ZRANB3: variants seen among roughly 807,000 people sequenced by gnomAD.
ZRANB3 encodes DNA annealing helicase and endonuclease ZRANB3.
Under a neutral mutation model 133.8 loss-of-function variants are expected in ZRANB3, and 125 were observed. That is an observed-to-expected ratio of 0.93 (90% CI 0.81 to 1.08). ZRANB3 has a LOEUF of 1.08. ZRANB3 is among the 50% of genes least tolerant of loss of function. The probability of loss-of-function intolerance (pLI) is 0.00; values close to 1 mark genes in which losing one functional copy is unlikely to be tolerated. For missense variants in ZRANB3, 1,229 were observed against 1,275.5 expected (o/e 0.96, Z 0.56); for synonymous variants, 387 against 432.7 (o/e 0.89, Z 1.31).
At chr2:135,242,427 TTATAG>T (rs1695591720) in intron 12 of ZRANB3, among the ~76,000 whole-genome samples, 1 of 151,924 alleles carries the variant, frequency 6.6e-6, no homozygotes, top group Non-Finnish European at 1.5e-5. Flanking sequence ...TTTCCATTCA[TTATAG>T]TAGACACTCA....
intron 2 of ZRANB3, among the ~76,000 whole-genome samples, chr2:135,486,586 C>T (rs955161953): frequency 6.6e-6 from 1 of 151,938 alleles, no homozygotes; most frequent in Admixed American, 6.6e-5. Context: ...GTGATCTCAG[C>T]TCACTGCAAC....
chr2:135,381,057 A>G (rs3940549), intron 3 of ZRANB3, among the ~76,000 whole-genome samples: 93,080 of 151,970 alleles, frequency 0.61, 33,775 homozygotes, highest in East Asian at 1. Context: ...GTAAGGCATC[A>G]CCTCACCTGG....
chr2:135,462,563 C>A (rs1401938268), intron 2 of ZRANB3, among the ~76,000 whole-genome samples: 2 of 148,386 alleles, frequency 1.3e-5, no homozygotes, highest in Non-Finnish European at 3.0e-5. Flanking sequence ...CTTTTCCTTC[C>A]TTCCTTCCTT....
intron 3 of ZRANB3, among the ~76,000 whole-genome samples, chr2:135,384,372 A>G (rs1686864674): frequency 6.6e-6 from 1 of 152,206 alleles, no homozygotes. Context: ...AACCAAAAAA[A>G]GCCCAGGACC....
At chr2:135,240,724 G>A (rs559932111) in intron 12 of ZRANB3, among the ~76,000 whole-genome samples, 1 of 152,148 alleles carries the variant, frequency 6.6e-6, no homozygotes, top group Non-Finnish European at 1.5e-5. Flanking sequence ...GACTGCAGGA[G>A]CATGCCACCA....
chr2:135,242,034 G>A (rs926707553), intron 12 of ZRANB3, among the ~76,000 whole-genome samples: 3 of 152,054 alleles, frequency 2.0e-5, no homozygotes, highest in African/African-American at 7.2e-5. Flanking sequence ...ACAAAAAGTA[G>A]CTGGGCATGG....
intron 12 of ZRANB3, among the ~76,000 whole-genome samples, chr2:135,254,360 T>C (rs1679546329): frequency 6.6e-6 from 1 of 152,232 alleles, no homozygotes; most frequent in African/African-American, 2.4e-5. Context: ...TGTTTACAAC[T>C]GTTTTTTCCT....
At chr2:135,223,681 A>C (rs1362484444) in intron 15 of ZRANB3, among the ~76,000 whole-genome samples, 1 of 152,180 alleles carries the variant, frequency 6.6e-6, no homozygotes, top group African/African-American at 2.4e-5. Flanking sequence ...AGTAGACATC[A>C]ATAGATATAA....
intron 1 of ZRANB3, among the ~76,000 whole-genome samples, chr2:135,524,409 T>C (rs1694068145): frequency 6.6e-6 from 1 of 152,142 alleles, no homozygotes; most frequent in African/African-American, 2.4e-5. Context: ...GAAATATGTT[T>C]TAACAAAGCA....
At chr2:135,225,353 G>T (rs1169667485) in intron 14 of ZRANB3, among the ~76,000 whole-genome samples, 1 of 152,126 alleles carries the variant, frequency 6.6e-6, no homozygotes, top group Non-Finnish European at 1.5e-5. Flanking sequence ...TCTATGATTT[G>T]TTTGCCATTC....
chr2:135,491,041 T>C (rs1183343116), intron 2 of ZRANB3, among the ~76,000 whole-genome samples: 2 of 152,040 alleles, frequency 1.3e-5, no homozygotes, highest in Non-Finnish European at 2.9e-5. Flanking sequence ...AATATACAGT[T>C]AGATAGAAGA....
chr2:135,307,358 AC>A (rs1345247943), intron 8 of ZRANB3, among the ~76,000 whole-genome samples: 1 of 152,022 alleles, frequency 6.6e-6, no homozygotes, highest in East Asian at 1.9e-4. Context: ...AAGCCACCAC[AC>A]CCGGCCAGAT....
At chr2:135,252,753 T>C (rs1679464207) in intron 12 of ZRANB3, among the ~76,000 whole-genome samples, 1 of 152,226 alleles carries the variant, frequency 6.6e-6, no homozygotes. Flanking sequence ...GTCCTCTGCA[T>C]GGAAATCTCC....
intron 11 of ZRANB3, among the ~76,000 whole-genome samples, chr2:135,267,022 G>A (rs1680281287): frequency 1.3e-5 from 2 of 152,082 alleles, no homozygotes; most frequent in Non-Finnish European, 2.9e-5. Context: ...AACCATCTAA[G>A]GCACAAGTTC....
rs373434643 is a variant in ZRANB3, at chr2:135,397,447, CA to C, written c.162-6628del. ...TGGGCAAGAAAGCCAGACCCTGACT[CA>C]AAAAAAAAAAAAAGAAAAGAAAAGA... On this transcript the variant is annotated intron_variant, in intron 2 of 20. Transcript: ENST00000264159. Among the ~76,000 whole-genome samples the C allele has an allele frequency of 3.3e-3, 384 of 116,648 alleles. 1 individual carries two copies. Among genetic ancestry groups the C allele is most frequent in the African/African-American group, 5.4e-3 (163 of 30,390 alleles). 76.5% of individuals were successfully genotyped at this position (116,648 alleles called of 152,430 possible). A position where few individuals can be genotyped will look rare whatever the true frequency, so the allele number is the denominator to read the frequency against.
intron 2 of ZRANB3, among the ~76,000 whole-genome samples, chr2:135,423,056 G>A (rs1688925933): frequency 6.6e-6 from 1 of 152,146 alleles, no homozygotes; most frequent in Non-Finnish European, 1.5e-5. Flanking sequence ...GGAATCCTTG[G>A]TGTTCCTTGG....
At chr2:135,227,060 C>G (rs1392433202) in intron 14 of ZRANB3, among the ~76,000 whole-genome samples, 1 of 152,150 alleles carries the variant, frequency 6.6e-6, no homozygotes, top group East Asian at 1.9e-4. Flanking sequence ...TAGCAACTAA[C>G]TTAGAAGAAA....
At chr2:135,312,162 ATTTTAT>A (rs1558908083) in intron 8 of ZRANB3, among the ~76,000 whole-genome samples, 2 of 122,038 alleles carry the variant, frequency 1.6e-5, no homozygotes, top group African/African-American at 9.4e-5. Context: ...TTTTATTTTT[ATTTTAT>A]TTTATTTTAT....
chr2:135,369,201 A>G (rs74929407), intron 3 of ZRANB3, among the ~76,000 whole-genome samples: 4 of 152,092 alleles, frequency 2.6e-5, no homozygotes, highest in Admixed American at 1.3e-4. Flanking sequence ...GTATTTGAAA[A>G]AAATGTTTCT....
Sources: allele counts gnomAD v4.1 joint callset (sites outside exome capture counted in the v4.1 genomes callset), GRCh38; gene constraint gnomAD v4.1.1; transcripts MANE v1.5; gene names NCBI Gene and HGNC (gene_info 2026-07-23, HGNC 2026-07-21).